The following PCDHGB6 variants were observed in gnomAD, a reference collection of about 807,000 sequenced individuals.
PCDHGB6 encodes the protein protocadherin gamma subfamily B, 6.
A neutral mutation model predicts 59.1 loss-of-function variants in PCDHGB6; 51 were observed. The ratio of observed to expected loss-of-function variants is 0.86; its 90% CI spans 0.69 to 1.09. The LOEUF is 1.09. PCDHGB6 is among the 50% of genes least tolerant of loss of function. The pLI is 0.00. For synonymous variants in PCDHGB6, 466 were observed against 495.1 expected (o/e 0.94, Z 0.78); for missense variants, 1,148 against 1,205.1 (o/e 0.95, Z 0.70).
At chr5:141,467,064 T>C (rs1289790911) in intron 1 of PCDHGB6, among the ~76,000 whole-genome samples, 2 of 151,724 alleles carry the variant, frequency 1.3e-5, no homozygotes, top group Middle Eastern at 3.2e-3. Context: ...TCTTTTTTTT[T>C]TTTTTTTAGA....
intron 1 of PCDHGB6, among the ~76,000 whole-genome samples, chr5:141,474,672 T>C (rs1203448521): frequency 2.0e-5 from 3 of 152,228 alleles, no homozygotes; most frequent in Non-Finnish European, 4.4e-5. Flanking sequence ...ACCTAACCTA[T>C]GTGCCTACCC....
intron 3 of PCDHGB6, among the ~76,000 whole-genome samples, chr5:141,510,034 T>A (rs2099879281): frequency 6.6e-6 from 1 of 152,156 alleles, no homozygotes; most frequent in Non-Finnish European, 1.5e-5. Flanking sequence ...TGGGCTGTTA[T>A]GTAGAGGTTA....
In PCDHGB6 at chr5:141,486,036, G is replaced by A. The variant is rs773301300; in HGVS notation, c.2419-8771G>A. ...TATTTCAGTGGTCATACCCCTGATC[G>A]TGTAAGAAACCTCTTTAGCCTGCAC... On this transcript the variant is annotated intron_variant, in intron 1 of 3. Transcript: ENST00000520790. This position sits in a 1 kb window ranked among gnomAD's most constrained non-coding sequence, Gnocchi z 5.0. 2.5e-6 allele frequency: 4 copies of A among 1,614,048 alleles called. No individual in the cohort carries two copies. Among genetic ancestry groups the A allele is most frequent in the Admixed American group, 1.7e-5 (1 of 60,004 alleles).
rs753051237 is a variant in PCDHGB6, at chr5:141,490,422, A to G, written c.2419-4385A>G. On this transcript the variant is annotated intron_variant, in intron 1 of 3. Coordinates refer to ENST00000520790, the MANE Select transcript of PCDHGB6 (RefSeq NM_018926.3). This position sits in a 1 kb window ranked among gnomAD's most constrained non-coding sequence, Gnocchi z 5.4. Reference sequence around the variant, plus strand: ...GCCTTGATATCTCTCCGGACCTGCCATTTCAGATTAAGCCTTCTGAGAACC... The same window carrying G: ...GCCTTGATATCTCTCCGGACCTGCCGTTTCAGATTAAGCCTTCTGAGAACC... 1 of 1,614,178 alleles carries G rather than the reference A, an allele frequency of 6.2e-7. No individual in the cohort carries two copies. The highest frequency in any genetic ancestry group is 1.7e-5 in the Admixed American group (1 of 60,030).
intron 1 of PCDHGB6, chr5:141,414,753 T>A: frequency 6.2e-7 from 1 of 1,614,202 alleles, no homozygotes; most frequent in Non-Finnish European, 8.5e-7. Flanking sequence ...CCTTCGACTA[T>A]GAGCAGTTTC....
chr5:141,495,434 G>A (rs1038100521), intron 2 of PCDHGB6, among the ~76,000 whole-genome samples: 2 of 152,196 alleles, frequency 1.3e-5, no homozygotes, highest in Non-Finnish European at 2.9e-5. Flanking sequence ...ACTGTCCTCT[G>A]CCCCTACTTG....
rs373867677 is a variant in PCDHGB6 at position 141,432,049 on chromosome 5, G to A, written c.2418+21429G>A. The A allele has an allele frequency of 2.0e-5, 32 of 1,614,150 alleles. No individual in the cohort carries two copies. In the African/African-American group the frequency reaches 4.1e-4, roughly 21 times the overall value. ...TGACCGCCACTGACCGGGGAACCCC[G>A]CCCCTATCCACGGAAACTCATATCT... On this transcript the variant is annotated intron_variant, in intron 1 of 3. Coordinates refer to ENST00000520790, the MANE Select transcript of PCDHGB6 (RefSeq NM_018926.3). The surrounding 1 kb of genome is among the most constrained non-coding windows in gnomAD (Gnocchi z 6.0).
chr5:141,488,437 C>A (rs1327345486), intron 1 of PCDHGB6, among the ~76,000 whole-genome samples: 2 of 152,210 alleles, frequency 1.3e-5, no homozygotes, highest in Non-Finnish European at 2.9e-5. Context: ...CCTCTGACCA[C>A]CCTCCTGGGT....
chr5:141,479,572 T>G (rs956648090), intron 1 of PCDHGB6: 2 of 152,190 alleles, frequency 1.3e-5, no homozygotes, highest in African/African-American at 2.4e-5. Context: ...TGGGATGACA[T>G]CTGTGAATAG....
rs996153387 is a variant in PCDHGB6, at chr5:141,491,985, G to A, written c.2419-2822G>A. 24 of 743,298 alleles carry A rather than the reference G, an allele frequency of 3.2e-5. No homozygotes were observed. Among genetic ancestry groups the A allele is most frequent in the Non-Finnish European group, 4.5e-5 (22 of 494,254 alleles). 46.0% of individuals were successfully genotyped at this position (743,298 alleles called of 1,614,324 possible). On this transcript the variant is annotated intron_variant, in intron 1 of 3. Transcript: ENST00000520790. The surrounding 1 kb of genome is among the most constrained non-coding windows in gnomAD (Gnocchi z 6.9). ...AGGCCGGGGCCTCCTTCGAGCTTCC[G>A]GTGAATTTCGGGCGATTTCCGCGGG...
rs2099699514 is a variant in PCDHGB6 at position 141,490,385 on chromosome 5, A to G, written c.2419-4422A>G. 1 of 1,614,190 alleles carries G rather than the reference A, an allele frequency of 6.2e-7. No individual in the cohort carries two copies. Among genetic ancestry groups the G allele is most frequent in the African/African-American group, 1.3e-5 (1 of 75,032 alleles). ...GTGCGAGACCGGGACTCAGGTAGAA[A>G]TGGTGAAGTGAGCCTTGATATCTCT... On this transcript the variant is annotated intron_variant, in intron 1 of 3. Coordinates refer to ENST00000520790, the MANE Select transcript of PCDHGB6 (RefSeq NM_018926.3). This position sits in a 1 kb window ranked among gnomAD's most constrained non-coding sequence, Gnocchi z 5.4.
chr5:141,490,050 C>T lies in PCDHGB6; in HGVS notation c.2419-4757C>T, dbSNP rs1400735375. On this transcript the variant is annotated intron_variant, in intron 1 of 3. Transcript: ENST00000520790. This position sits in a 1 kb window ranked among gnomAD's most constrained non-coding sequence, Gnocchi z 5.4. ...TCCGCCTCAATGCCACTGATCCAGA[C>T]GAGGGCACCAACGGCCAACTAGACT... The T allele has an allele frequency of 1.2e-6, 2 of 1,614,224 alleles. No individual in the cohort carries two copies. The highest frequency in any genetic ancestry group is 1.7e-6 in the Non-Finnish European group (2 of 1,180,022).
rs1043971768 is a variant in PCDHGB6, at chr5:141,410,295, T to G, written c.2093T>G (p.Leu698Ter). 9.3e-6 allele frequency: 15 copies of G among 1,613,864 alleles called. No individual in the cohort carries two copies. The highest frequency in any genetic ancestry group is 1.3e-5 in the Non-Finnish European group (15 of 1,179,902). ...TTTTACCTGGTGGTGGCCTTGGCCT[T>G]AATCTCAGTGCTCTTCCTCCTCGCC... ...LQFYLVVALA[L>*]ISVLFLLAVI... Residue 698 changes from leucine to a stop codon, truncating the protein, a stop_gained, in exon 1 of 4, where the codon TTA becomes TGA. Coordinates refer to ENST00000520790, the MANE Select transcript of PCDHGB6 (RefSeq NM_018926.3). LOFTEE classifies it high-confidence loss of function.
rs2095390746 is a variant in PCDHGB6, at chr5:141,410,418, T to C, written c.2216T>C (p.Val739Ala). The change falls in exon 1 of 4, where the codon GTT (valine) becomes GCT (alanine). Residue 739 changes from valine (V) to alanine (A), a missense_variant. Transcript: ENST00000520790. Reference protein sequence around the residue: ...PGLCVKSGPVVPPNYSEGTLP... With the variant: ...PGLCVKSGPVAPPNYSEGTLP... ...CTCTGTGTCAAGTCTGGACCTGTAG[T>C]TCCCCCCAACTACAGTGAGGGGACT... The C allele has an allele frequency of 1.6e-5, 26 of 1,614,052 alleles. No individual in the cohort carries two copies. The highest frequency in any genetic ancestry group is 2.2e-5 in the Non-Finnish European group (26 of 1,179,906).
chr5:141,437,252 CTT>C (rs1030396727), intron 1 of PCDHGB6, among the ~76,000 whole-genome samples: 3 of 152,268 alleles, frequency 2.0e-5, no homozygotes, highest in Admixed American at 6.5e-5. Context: ...CTTTCCTTGT[CTT>C]TTTATGTGTA....
In PCDHGB6 at chr5:141,485,219, A is replaced by C. The variant is rs954128321; in HGVS notation, c.2419-9588A>C. 20 of 1,613,930 alleles carry C rather than the reference A, an allele frequency of 1.2e-5. No individual in the cohort carries two copies. The highest frequency in any genetic ancestry group is 1.6e-5 in the Non-Finnish European group (19 of 1,179,944). On this transcript the variant is annotated intron_variant, in intron 1 of 3. Coordinates refer to ENST00000520790, the MANE Select transcript of PCDHGB6 (RefSeq NM_018926.3). The surrounding 1 kb of genome is among the most constrained non-coding windows in gnomAD (Gnocchi z 5.7). The stretch of plus-strand genomic sequence containing the variant: ...CTGGACAGAAATCTGGCGGTGGGCT[A>C]CCCTTTTGTTCCTCTTTTACCACCT...
chr5:141,409,037 T>A lies in PCDHGB6; in HGVS notation c.835T>A (p.Tyr279Asn). 3.7e-6 allele frequency: 6 copies of A among 1,613,992 alleles called. No homozygotes were observed. The highest frequency in any genetic ancestry group is 5.1e-6 in the Non-Finnish European group (6 of 1,179,888). ...TGAGGGGGTCAATGCTGAGATAAAC[T>A]ACTACTTCCGAAGCACTGCCCAGAG... The part of the protein sequence containing the change: ...QDEGVNAEIN[Y>N]YFRSTAQSTK... Residue 279 changes from tyrosine (Y) to asparagine (N), a missense_variant, in exon 1 of 4, where the codon TAC becomes AAC. Physicochemically the swap from Tyr to Asn is moderately radical, Grantham distance 143. This residue lies in a region of PCDHGB6 where 549 missense variants were observed against 527.5 expected (regional missense o/e 1.04). Coordinates refer to ENST00000520790, the MANE Select transcript of PCDHGB6 (RefSeq NM_018926.3).
chr5:141,419,616 AC>A, intron 1 of PCDHGB6: 1 of 1,612,204 alleles, frequency 6.2e-7, no homozygotes, highest in Non-Finnish European at 8.5e-7. Flanking sequence ...CAGCCAGGCT[AC>A]CTGGTGACCA....
At chr5:141,495,852 TCTCA>T (rs1473070626) in intron 2 of PCDHGB6, among the ~76,000 whole-genome samples, 1 of 152,174 alleles carries the variant, frequency 6.6e-6, no homozygotes, top group Non-Finnish European at 1.5e-5. Flanking sequence ...TTTCTCTGTC[TCTCA>T]CTATTTCTGC....
Sources: gnomAD v4.1 joint callset for allele counts (sites outside exome capture counted in the v4.1 genomes callset) on GRCh38, gnomAD v4.1.1 for gene constraint, gnomAD v4.1.1 regional missense constraint, Gnocchi (gnomAD v3.1) non-coding constraint, MANE v1.5 for transcripts, NCBI Gene and HGNC (gene_info 2026-07-23, HGNC 2026-07-21) for gene names.